The following SGF29 variants were observed in gnomAD, a reference collection of about 807,000 sequenced individuals.
SGF29 encodes the protein SAGA-associated factor 29.
Under a neutral mutation model 38.1 loss-of-function variants are expected in SGF29, and 15 were observed. The observed-to-expected ratio is 0.39, with a 90% CI of 0.26 to 0.61. SGF29 has a LOEUF of 0.61. SGF29 is among the 20% of genes least tolerant of loss of function. SGF29 has a pLI of 0.49. For missense variants in SGF29, 184 were observed against 394.6 expected (o/e 0.47, Z 4.52); for synonymous variants, 151 against 160.8 (o/e 0.94, Z 0.46).
chr16:28,563,327 C>T (rs1001044318), intron 1 of SGF29, among the ~76,000 whole-genome samples: 2 of 152,150 alleles, frequency 1.3e-5, no homozygotes, highest in Non-Finnish European at 2.9e-5. Context: ...AGATGGTCCA[C>T]TTTGAAAGTT....
chr16:28,591,694 C>G lies in SGF29; in HGVS notation c.870C>G (p.Pro290=). Reference sequence around the variant, plus strand: ...GATACGTGGTGGCTTGTAAGGAACCCAAGAAAAAGTGATGCCGCCTGGCAG... The same window carrying G: ...GATACGTGGTGGCTTGTAAGGAACCGAAGAAAAAGTGATGCCGCCTGGCAG... The part of the protein sequence containing the change: ...AQRYVVACKE[P]KKK The change falls in exon 10 of 10, where the codon CCC becomes CCG. Residue 290 remains proline, a synonymous_variant. Coordinates refer to ENST00000317058, the MANE Select transcript of SGF29 (RefSeq NM_138414.3). 1 of 1,611,592 alleles carries G rather than the reference C, an allele frequency of 6.2e-7. No homozygotes were observed. The highest frequency in any genetic ancestry group is 1.1e-5 in the South Asian group (1 of 91,030).
chr16:28,578,160 T>A (rs1802081246), intron 1 of SGF29, among the ~76,000 whole-genome samples: 2 of 151,442 alleles, frequency 1.3e-5, no homozygotes, highest in Admixed American at 1.3e-4. Context: ...TGGCCACAAT[T>A]GAGTTTTGTT....
chr16:28,566,304 G>A (rs2046836194), intron 1 of SGF29, among the ~76,000 whole-genome samples: 1 of 151,548 alleles, frequency 6.6e-6, no homozygotes, highest in African/African-American at 2.4e-5. Context: ...AAAGAAAGAG[G>A]GTCTTAGGGG....
intron 2 of SGF29, among the ~76,000 whole-genome samples, chr16:28,582,155 G>A (rs532427958): frequency 6.6e-6 from 1 of 152,266 alleles, no homozygotes; most frequent in South Asian, 2.1e-4. Context: ...CCTTTTAGAC[G>A]TAACCTGGAG....
intron 4 of SGF29, 44 bp downstream of exon 4, chr16:28,585,764 G>T: frequency 6.3e-7 from 1 of 1,576,934 alleles, no homozygotes; most frequent in Non-Finnish European, 8.7e-7. Flanking sequence ...CTCCTTTCCT[G>T]GGGGCTGGGC....
At chr16:28,573,510 T>G (rs1332668725) in intron 1 of SGF29, among the ~76,000 whole-genome samples, 1 of 152,008 alleles carries the variant, frequency 6.6e-6, no homozygotes, top group Non-Finnish European at 1.5e-5. Context: ...GGGAAGAAGT[T>G]TTGCCGTGAA....
rs2046984729 is a variant in SGF29 at position 28,590,763 on chromosome 16, C to T, written c.603-10C>T. 1 of 1,614,026 alleles carries T rather than the reference C, an allele frequency of 6.2e-7. No homozygotes were observed. Among genetic ancestry groups the T allele is most frequent in the South Asian group, 1.1e-5 (1 of 91,084 alleles). On this transcript the variant is annotated splice_polypyrimidine_tract_variant and intron_variant, in intron 8 of 9. Transcript: ENST00000317058. The surrounding 1 kb of genome is among the most constrained non-coding windows in gnomAD (Gnocchi z 8.2). ...CGGCCACAGGTTGATATAAGCCCCT[C>T]TTCCCCCAGGAGACACACCCTGAGC...
chr16:28,591,012 C>T, intron 9 of SGF29, 77 bp downstream of exon 9: 3 of 1,466,412 alleles, frequency 2.0e-6, no homozygotes, highest in East Asian at 2.5e-5. Context: ...GTCCTCTCCC[C>T]ACTCCTTCCC....
At chr16:28,563,190 G>A (rs1362338597) in intron 1 of SGF29, among the ~76,000 whole-genome samples, 1 of 152,162 alleles carries the variant, frequency 6.6e-6, no homozygotes, top group African/African-American at 2.4e-5. Context: ...GGGAGGCAGA[G>A]GTTCTGTAAT....
intron 1 of SGF29, among the ~76,000 whole-genome samples, chr16:28,559,000 A>G (rs193621): frequency 0.98 from 149,983 of 152,340 alleles, 73,888 homozygotes; most frequent in Middle Eastern, 1. Flanking sequence ...TGTGACTAAC[A>G]TAACACTGAA....
intron 2 of SGF29, among the ~76,000 whole-genome samples, chr16:28,582,191 T>C (rs1200596520): frequency 6.6e-6 from 1 of 152,200 alleles, no homozygotes; most frequent in African/African-American, 2.4e-5. Context: ...ATGCCGGCAC[T>C]CATTGCTAAG....
At chr16:28,565,956 A>G (rs1052628562) in intron 1 of SGF29, among the ~76,000 whole-genome samples, 1 of 151,566 alleles carries the variant, frequency 6.6e-6, no homozygotes, top group Non-Finnish European at 1.5e-5. Flanking sequence ...TTTGAATGTG[A>G]TTTGGTAGGT....
intron 1 of SGF29, among the ~76,000 whole-genome samples, chr16:28,566,619 A>C (rs894851566): frequency 2.6e-5 from 4 of 151,892 alleles, no homozygotes; most frequent in African/African-American, 7.2e-5. Flanking sequence ...GTGAAACCTC[A>C]TCTCTACAAA....
chr16:28,586,411 C>T (rs893617490), intron 4 of SGF29, among the ~76,000 whole-genome samples: 2 of 150,866 alleles, frequency 1.3e-5, no homozygotes, highest in African/African-American at 2.4e-5. Context: ...TGGTGGCGCA[C>T]GCTACTTGGG....
At chr16:28,564,718 TATATATATAC>T (rs1435996012) in intron 1 of SGF29, among the ~76,000 whole-genome samples, 8 of 60,734 alleles carry the variant, frequency 1.3e-4, no homozygotes, top group Non-Finnish European at 2.1e-4. Context: ...CATATATATG[TATATATATAC>T]ATATATATGT....
chr16:28,564,592 C>A (rs61306374), intron 1 of SGF29, among the ~76,000 whole-genome samples: 1 of 104,252 alleles, frequency 9.6e-6, no homozygotes, highest in Admixed American at 1.1e-4. Context: ...TATATATATA[C>A]ACACATATAT....
chr16:28,590,119 A>G lies in SGF29; in HGVS notation c.313A>G (p.Asn105Asp), dbSNP rs1414699067. Residue 105 changes from asparagine to aspartate, a missense_variant, in exon 6 of 10, where the codon AAT becomes GAT. This residue lies in a region of SGF29 where 107 missense variants were observed against 276.9 expected (regional missense o/e 0.39). Transcript: ENST00000317058. The surrounding 1 kb of genome is among the most constrained non-coding windows in gnomAD (Gnocchi z 8.2). The stretch of plus-strand genomic sequence containing the variant: ...AGCGGCCAAGATTGCCGGTCTCTAC[A>G]ATGACTCGGAGCCACCCCGGAAGAC... ...RIAAKIAGLY[N>D]DSEPPRKTMR... 6.2e-7 allele frequency: 1 copy of G among 1,611,834 alleles called. No individual in the cohort carries two copies.
intron 1 of SGF29, among the ~76,000 whole-genome samples, chr16:28,576,470 G>T (rs559689693): frequency 6.6e-6 from 1 of 152,248 alleles, no homozygotes; most frequent in East Asian, 1.9e-4. Flanking sequence ...GGAGGTCAAG[G>T]CAGGTGGATC....
intron 1 of SGF29, among the ~76,000 whole-genome samples, chr16:28,567,044 C>T (rs1201975851): frequency 5.3e-5 from 8 of 152,158 alleles, no homozygotes; most frequent in Non-Finnish European, 1.2e-4. Flanking sequence ...TTTCTGGACA[C>T]ACTGATTTTC....
Sources: allele counts gnomAD v4.1 joint callset (sites outside exome capture counted in the v4.1 genomes callset), GRCh38; gene constraint gnomAD v4.1.1; regional missense constraint gnomAD v4.1.1; non-coding constraint Gnocchi (gnomAD v3.1); transcripts MANE v1.5; gene names NCBI Gene and HGNC (gene_info 2026-07-23, HGNC 2026-07-21).